AP2B1: variants seen among roughly 807,000 people sequenced by gnomAD.
AP2B1 encodes the protein AP-2 complex subunit beta.
A neutral mutation model predicts 102.0 loss-of-function variants in AP2B1; 23 were observed. The observed-to-expected ratio is 0.23, with a 90% CI of 0.16 to 0.32. The LOEUF (loss-of-function observed/expected upper bound fraction) is 0.32, where lower values mean the gene tolerates loss of function less well. Among genes scored for constraint, AP2B1 ranks in the 10% least tolerant of loss-of-function variants. AP2B1 has a pLI of 1.00. For synonymous variants in AP2B1, 381 were observed against 421.2 expected (o/e 0.90, Z 1.17); for missense variants, 541 against 1,157.4 (o/e 0.47, Z 7.73).
rs968910287 is a variant in AP2B1, at chr17:35,700,897, C to T, written c.2455-8327C>T. 2.0e-5 allele frequency among the ~76,000 whole-genome samples: 3 copies of T among 151,962 alleles called. No individual in the cohort carries two copies. The South Asian group carries it at 6.2e-4, about 31-fold the overall frequency. ...GTGTTTTCAAAGTGCCTTATAATTT[C>T]TGTTTGCTTTCCTATTGATGTCCCT... On this transcript the variant is annotated intron_variant, in intron 18 of 21. Coordinates refer to ENST00000610402, the MANE Select transcript of AP2B1 (RefSeq NM_001030006.2).
At chr17:35,707,718 G>C (rs1025457256) in intron 18 of AP2B1, among the ~76,000 whole-genome samples, 1 of 152,184 alleles carries the variant, frequency 6.6e-6, no homozygotes, top group African/African-American at 2.4e-5. Context: ...CTCCCAAAGT[G>C]CTGGGATTAC....
intron 12 of AP2B1, among the ~76,000 whole-genome samples, chr17:35,644,832 G>A (rs1465550211): frequency 6.6e-6 from 1 of 152,046 alleles, no homozygotes; most frequent in African/African-American, 2.4e-5. Context: ...TCAGGAATTC[G>A]ACCAGCCTGT....
intron 20 of AP2B1, among the ~76,000 whole-genome samples, chr17:35,712,042 TG>T (rs1334558476): frequency 6.6e-6 from 1 of 152,240 alleles, no homozygotes; most frequent in South Asian, 2.1e-4. Context: ...TTCACGTCTC[TG>T]GAGCTCTTGG....
In AP2B1 at chr17:35,684,281, A is replaced by G. The variant is rs73990261; in HGVS notation, c.2454+1457A>G. On this transcript the variant is annotated intron_variant, in intron 18 of 21. Transcript: ENST00000610402. ...TCCCCACCCCCACTAAGAGCTTAAG[A>G]TAGAACAGTCTGAATGAGACTATGA... Among the ~76,000 whole-genome samples, 1,409 of 152,296 alleles carry G rather than the reference A, an allele frequency of 9.3e-3. 23 individuals are homozygous for G. The highest frequency in any genetic ancestry group is 0.031 in the African/African-American group (1,306 of 41,562).
intron 12 of AP2B1, among the ~76,000 whole-genome samples, chr17:35,647,259 T>C (rs750466041): frequency 1.1e-4 from 17 of 152,228 alleles, no homozygotes; most frequent in Non-Finnish European, 2.2e-4. Flanking sequence ...ACTTGTATTC[T>C]GCTCTTTTAA....
intron 5 of AP2B1, among the ~76,000 whole-genome samples, chr17:35,610,936 G>T (rs1311070024): frequency 6.6e-6 from 1 of 151,248 alleles, no homozygotes; most frequent in South Asian, 2.1e-4. Context: ...TTTGTTGGAC[G>T]TGGTGGTGCA....
chr17:35,640,118 T>C lies in AP2B1; in HGVS notation c.1437+358T>C, dbSNP rs535079738. Among the ~76,000 whole-genome samples the C allele has an allele frequency of 2.6e-4, 39 of 152,292 alleles. 1 individual carries two copies. The highest frequency in any genetic ancestry group is 9.4e-4 in the African/African-American group (39 of 41,566). On this transcript the variant is annotated intron_variant, in intron 11 of 21. Coordinates refer to ENST00000610402, the MANE Select transcript of AP2B1 (RefSeq NM_001030006.2). ...TTTTAGTGGAGACAGGGTTTCACCATGTTGGCCAGGCTGGTCTTGAACTCC... is the reference window on the plus strand; with the variant it reads ...TTTTAGTGGAGACAGGGTTTCACCACGTTGGCCAGGCTGGTCTTGAACTCC...
chr17:35,637,840 A>G (rs1050639806), intron 10 of AP2B1, among the ~76,000 whole-genome samples: 18 of 151,796 alleles, frequency 1.2e-4, no homozygotes, highest in Admixed American at 3.3e-4. Context: ...GGCTGCCACC[A>G]CACCCGGCTA....
chr17:35,697,975 A>G (rs960795533), intron 18 of AP2B1, among the ~76,000 whole-genome samples: 1 of 152,208 alleles, frequency 6.6e-6, no homozygotes, highest in African/African-American at 2.4e-5. Context: ...CTAGGGCAAA[A>G]AAGTTGTCTT....
intron 6 of AP2B1, 102 bp downstream of exon 6, chr17:35,624,689 T>A: frequency 1.9e-6 from 2 of 1,080,894 alleles, no homozygotes; most frequent in Non-Finnish European, 2.6e-6. Flanking sequence ...CAGTGGCTTC[T>A]GGGGTAGATA....
At position 35,624,534 on chromosome 17, in the gene AP2B1, C is replaced by T; in HGVS notation, c.663C>T (p.Phe221=). The T allele has an allele frequency of 6.2e-7, 1 of 1,614,180 alleles. No homozygotes were observed. Among genetic ancestry groups the T allele is most frequent in the Non-Finnish European group, 8.5e-7 (1 of 1,179,994 alleles). The change falls in exon 6 of 22, where the codon TTC becomes TTT. Residue 221 remains phenylalanine (F), a synonymous_variant. Coordinates refer to ENST00000610402, the MANE Select transcript of AP2B1 (RefSeq NM_001030006.2). ...AATGCACTGAATGGGGCCAGATTTT[C>T]ATCCTGGACTGCCTGTCTAATTACA... ...LNECTEWGQI[F]ILDCLSNYNP...
At chr17:35,674,106 A>C in intron 16 of AP2B1, 70 bp from the exon 17 acceptor site, 1 of 1,467,486 alleles carries the variant, frequency 6.8e-7, no homozygotes, top group Non-Finnish European at 9.3e-7. Context: ...TTTGTTTTTT[A>C]TTTGTTAAAA....
At chr17:35,652,440 G>A (rs2142840127) in intron 13 of AP2B1, among the ~76,000 whole-genome samples, 1 of 152,096 alleles carries the variant, frequency 6.6e-6, no homozygotes, top group Admixed American at 6.5e-5. Flanking sequence ...CACTTCACTA[G>A]GTCTTTTAAA....
chr17:35,711,673 C>G (rs374317716), intron 20 of AP2B1, among the ~76,000 whole-genome samples: 174 of 152,298 alleles, frequency 1.1e-3, no homozygotes, highest in East Asian at 9.8e-3. Context: ...GGGTTTCACC[C>G]TGTTAGCCAG....
chr17:35,719,399 G>A (rs1308971308), intron 21 of AP2B1, among the ~76,000 whole-genome samples: 1 of 151,674 alleles, frequency 6.6e-6, no homozygotes, highest in Non-Finnish European at 1.5e-5. Flanking sequence ...TTTATGGTCA[G>A]ACTCTCACCC....
chr17:35,657,669 T>C lies in AP2B1; in HGVS notation c.1867T>C (p.Ser623Pro). Residue 623 changes from serine to proline, a missense_variant, in exon 14 of 22, where the codon TCT (serine) becomes CCT (proline). Physicochemically the swap from Ser to Pro is moderately conservative, Grantham distance 74. This residue lies in a region of AP2B1 where 39 missense variants were observed against 42.0 expected (regional missense o/e 0.93). Coordinates refer to ENST00000610402, the MANE Select transcript of AP2B1 (RefSeq NM_001030006.2). ...TNLEQPQVIP[S>P]QGDLLGDLLN... is the part of the protein sequence containing the mutation. ...CCTGGAACAGCCTCAGGTTATCCCCTCTCAAGGTGATCTTCTAGGGGATCT... is the reference window on the plus strand; with the variant it reads ...CCTGGAACAGCCTCAGGTTATCCCCCCTCAAGGTGATCTTCTAGGGGATCT... The C allele has an allele frequency of 6.2e-7, 1 of 1,614,180 alleles. No individual in the cohort carries two copies. Among genetic ancestry groups the C allele is most frequent in the East Asian group, 2.2e-5 (1 of 44,876 alleles).
intron 3 of AP2B1, among the ~76,000 whole-genome samples, chr17:35,604,311 G>T (rs1310098635): frequency 6.6e-6 from 1 of 152,032 alleles, no homozygotes; most frequent in Non-Finnish European, 1.5e-5. Flanking sequence ...GTCTCACTAT[G>T]TTGCCCAGGC....
chr17:35,640,022 T>C (rs1027093553), intron 11 of AP2B1, among the ~76,000 whole-genome samples: 2 of 152,066 alleles, frequency 1.3e-5, no homozygotes, highest in African/African-American at 4.8e-5. Flanking sequence ...GTTCAAGCGA[T>C]TCTCCTGCTT....
chr17:35,631,398 C>T (rs911880999), intron 9 of AP2B1, among the ~76,000 whole-genome samples: 2 of 152,070 alleles, frequency 1.3e-5, no homozygotes, highest in African/African-American at 2.4e-5. Context: ...TGGGGTACCC[C>T]GCTTTCCCCA....
Sources: gnomAD v4.1 joint callset for allele counts (sites outside exome capture counted in the v4.1 genomes callset) on GRCh38, gnomAD v4.1.1 for gene constraint, gnomAD v4.1.1 regional missense constraint, MANE v1.5 for transcripts, NCBI Gene and HGNC (gene_info 2026-07-23, HGNC 2026-07-21) for gene names.